Variants in GOLPH3 observed in about 807,000 individuals in gnomAD.
The protein encoded by GOLPH3 is coat protein GPP34.
Under a neutral mutation model 28.5 loss-of-function variants are expected in GOLPH3, and 14 were observed. That is an observed-to-expected ratio of 0.49 (90% CI 0.32 to 0.77). GOLPH3 has a LOEUF of 0.77. Ranked by LOEUF, GOLPH3 falls within the 30% of genes least tolerant of loss-of-function variation. The pLI is 0.03. For missense variants in GOLPH3, 350 were observed against 393.7 expected, an observed-to-expected ratio of 0.89 and a Z score of 0.94; for synonymous variants, 158 against 159.2, an observed-to-expected ratio of 0.99 and a Z score of 0.06.
At chr5:32,141,105 G>C (rs912558012) in intron 2 of GOLPH3, among the ~76,000 whole-genome samples, 2 of 149,790 alleles carry the variant, frequency 1.3e-5, no homozygotes, top group Non-Finnish European at 3.0e-5. Flanking sequence ...AGAGGTTGCA[G>C]TGAGCCGAGA....
intron 3 of GOLPH3, among the ~76,000 whole-genome samples, chr5:32,131,615 T>C (rs1355702486): frequency 6.6e-6 from 1 of 152,222 alleles, no homozygotes; most frequent in Non-Finnish European, 1.5e-5. Context: ...ACCATATATG[T>C]GAAAAGACTT....
chr5:32,143,679 T>C (rs1746132366), intron 2 of GOLPH3, 70 bp downstream of exon 2: 1 of 1,312,048 alleles, frequency 7.6e-7, no homozygotes. Flanking sequence ...TTTTGAAGGC[T>C]ACTAGTAAAA....
At chr5:32,168,728 TC>T (rs1197389657) in intron 1 of GOLPH3, among the ~76,000 whole-genome samples, 8 of 152,272 alleles carry the variant, frequency 5.3e-5, no homozygotes, top group African/African-American at 1.9e-4. Flanking sequence ...CGTTATTCTC[TC>T]AAGATCCAAA....
At chr5:32,162,853 C>T (rs1430501956) in intron 1 of GOLPH3, among the ~76,000 whole-genome samples, 5 of 151,886 alleles carry the variant, frequency 3.3e-5, no homozygotes, top group South Asian at 4.2e-4. Context: ...CAGAGGCGGG[C>T]GGATCACGAG....
chr5:32,137,730 G>C (rs1287200579), intron 2 of GOLPH3, among the ~76,000 whole-genome samples: 1 of 152,022 alleles, frequency 6.6e-6, no homozygotes. Context: ...GAGATGGGAG[G>C]GAAAATGTTA....
intron 1 of GOLPH3, among the ~76,000 whole-genome samples, chr5:32,149,950 C>T (rs757462649): frequency 6.6e-6 from 1 of 150,662 alleles, no homozygotes; most frequent in Non-Finnish European, 1.5e-5. Context: ...TGAGCCACTG[C>T]ACTTCAGCCT....
chr5:32,141,808 T>G (rs1216042223), intron 2 of GOLPH3, among the ~76,000 whole-genome samples: 2 of 152,046 alleles, frequency 1.3e-5, no homozygotes, highest in Non-Finnish European at 2.9e-5. Context: ...TTCGCTGTGT[T>G]GGCCGGGCTG....
rs539049394 is a variant in GOLPH3, at chr5:32,142,915, C to T, written c.357+834G>A. 1.7e-3 allele frequency among the ~76,000 whole-genome samples: 263 copies of T among 151,626 alleles called. 2 individuals carry two copies. Among genetic ancestry groups the T allele is most frequent in the Middle Eastern group, 3.4e-3 (1 of 294 alleles). ...GCCGCGCCTACTGGGAAGTGAGGAGCCCCTCTGCCCGGCCACCACCCCGTC... is the reference window on the plus strand; with the variant it reads ...GCCGCGCCTACTGGGAAGTGAGGAGTCCCTCTGCCCGGCCACCACCCCGTC... On this transcript the variant is annotated intron_variant, in intron 2 of 3. Coordinates refer to ENST00000265070, the MANE Select transcript of GOLPH3 (RefSeq NM_022130.4).
intron 1 of GOLPH3, among the ~76,000 whole-genome samples, chr5:32,165,536 T>C (rs2111894429): frequency 2.0e-5 from 3 of 152,010 alleles, no homozygotes. Flanking sequence ...TGAGCATAGA[T>C]TGCACCACTG....
intron 3 of GOLPH3, among the ~76,000 whole-genome samples, chr5:32,131,770 G>A (rs993316879): frequency 6.6e-6 from 1 of 152,204 alleles, no homozygotes; most frequent in African/African-American, 2.4e-5. Context: ...CACTTTGGTG[G>A]AGAATGACAT....
intron 2 of GOLPH3, among the ~76,000 whole-genome samples, chr5:32,142,857 C>A (rs1198129832): frequency 6.6e-6 from 1 of 150,468 alleles, no homozygotes; most frequent in Non-Finnish European, 1.5e-5. Flanking sequence ...CGGCCAGCCG[C>A]CCCGTCCGGG....
At chr5:32,137,928 G>A (rs1376588297) in intron 2 of GOLPH3, among the ~76,000 whole-genome samples, 1 of 143,090 alleles carries the variant, frequency 7.0e-6, no homozygotes, top group Non-Finnish European at 1.5e-5. Flanking sequence ...TTTTGAGATG[G>A]AGTCTCACTC....
intron 1 of GOLPH3, 29 bp downstream of exon 1, chr5:32,173,781 G>GC (rs1554050236): frequency 1.5e-6 from 2 of 1,323,018 alleles, no homozygotes; most frequent in Non-Finnish European, 1.9e-6. Flanking sequence ...CCGCGCCGCC[G>GC]CCCCCCGCCC....
intron 3 of GOLPH3, 21 bp from the exon 4 acceptor site, chr5:32,126,657 G>A: frequency 1.9e-6 from 3 of 1,592,664 alleles, no homozygotes; most frequent in Non-Finnish European, 2.6e-6. Context: ...GATTTCAGAA[G>A]TTAGAAATGA....
At chr5:32,146,970 T>G (rs1746189023) in intron 1 of GOLPH3, among the ~76,000 whole-genome samples, 1 of 152,162 alleles carries the variant, frequency 6.6e-6, no homozygotes, top group East Asian at 1.9e-4. Flanking sequence ...TGGACCAGAT[T>G]CAAAGCCGTA....
rs1308648161 is a variant in GOLPH3, at chr5:32,158,132, T to TAAAATACACACAC, written c.226-14253_226-14252insGTGTGTGTATTTT. Among the ~76,000 whole-genome samples the TAAAATACACACAC allele has an allele frequency of 8.9e-5, 3 of 33,684 alleles. 1 individual carries two copies. The highest frequency in any genetic ancestry group is 3.6e-4 in the African/African-American group (3 of 8,312). 22.1% of individuals were successfully genotyped at this position (33,684 alleles called of 152,430 possible). ...TAAATAAATAAATAAATAAATAAAATACACACACACACACACACACACACA... is the reference window on the plus strand; with the variant it reads ...TAAATAAATAAATAAATAAATAAAATAAAATACACACACACACACACACACACACACACACACA... On this transcript the variant is annotated intron_variant, in intron 1 of 3. Transcript: ENST00000265070.
chr5:32,159,663 T>C lies in GOLPH3; in HGVS notation c.225+14147A>G, dbSNP rs1746532578. Among the ~76,000 whole-genome samples the C allele has an allele frequency of 2.0e-5, 3 of 152,250 alleles. No homozygotes were observed. The South Asian group carries it at 6.2e-4, about 31-fold the overall frequency. ...AGACCTAAATATAAGCTACAGTCTT[T>C]ATTCTTCTGTAAGAAACACGAAGGT... On this transcript the variant is annotated intron_variant, in intron 1 of 3. Transcript: ENST00000265070.
chr5:32,129,729 T>C (rs942562783), intron 3 of GOLPH3, among the ~76,000 whole-genome samples: 5 of 152,092 alleles, frequency 3.3e-5, no homozygotes, highest in African/African-American at 1.2e-4. Flanking sequence ...CACCACATCC[T>C]ACGAAAGGGA....
chr5:32,171,943 C>A (rs116692835), intron 1 of GOLPH3, among the ~76,000 whole-genome samples: 2,212 of 149,624 alleles, frequency 0.015, 21 homozygotes, highest in Non-Finnish European at 0.024. Flanking sequence ...AGCGAGATTC[C>A]GTCTAAAAAA....
Sources: allele counts gnomAD v4.1 joint callset (sites outside exome capture counted in the v4.1 genomes callset), GRCh38; gene constraint gnomAD v4.1.1; transcripts MANE v1.5; gene names NCBI Gene and HGNC (gene_info 2026-07-23, HGNC 2026-07-21).